The following PGM5 variants were observed in gnomAD, a reference collection of about 807,000 sequenced individuals.
The protein encoded by PGM5 is phosphoglucomutase-like protein 5.
A neutral mutation model predicts 59.2 loss-of-function variants in PGM5; 23 were observed. The observed-to-expected ratio is 0.39, with a 90% confidence interval of 0.28 to 0.55. The LOEUF (loss-of-function observed/expected upper bound fraction) is 0.55. Among genes scored for constraint, PGM5 ranks in the 20% least tolerant of loss-of-function variants. The pLI is 0.66. For missense variants in PGM5, 574 were observed against 748.3 expected (o/e 0.77, Z 2.72); for synonymous variants, 214 against 286.0 (o/e 0.75, Z 2.54).
chr9:68,471,425 G>A lies in PGM5; in HGVS notation c.1159+6217G>A, dbSNP rs150439590. Among the ~76,000 whole-genome samples, 190 of 152,244 alleles carry A rather than the reference G, an allele frequency of 1.2e-3. 1 individual carries two copies. The highest frequency in any genetic ancestry group is 4.5e-3 in the African/African-American group (185 of 41,558). ...GGCCCCACTGAGAACACAGTACAGT[G>A]ACTGTAGAAGTGACAGGTCTTCAAC... On this transcript the variant is annotated intron_variant, in intron 7 of 10. Transcript: ENST00000396396.
At chr9:68,420,924 G>A (rs1249872288) in intron 6 of PGM5, among the ~76,000 whole-genome samples, 1 of 152,202 alleles carries the variant, frequency 6.6e-6, no homozygotes, top group African/African-American at 2.4e-5. Flanking sequence ...TGTGCTTTGG[G>A]TCAGTGAAGT....
At chr9:68,466,036 C>T in intron 7 of PGM5, 1 of 662,316 alleles carries the variant, frequency 1.5e-6, no homozygotes, top group Non-Finnish European at 2.2e-6. Flanking sequence ...TTCTCCTTCC[C>T]CATTCTTTGT....
At chr9:68,365,570 G>A (rs1554676605) in intron 1 of PGM5, among the ~76,000 whole-genome samples, 1 of 152,160 alleles carries the variant, frequency 6.6e-6, no homozygotes, top group East Asian at 1.9e-4. Context: ...GTCCGTAGTT[G>A]TATGAAAAGA....
chr9:68,470,485 A>T (rs1384611860), intron 7 of PGM5, among the ~76,000 whole-genome samples: 1 of 152,262 alleles, frequency 6.6e-6, no homozygotes, highest in East Asian at 1.9e-4. Flanking sequence ...TGGGTTCACA[A>T]TAGTGCTGTT....
chr9:68,487,429 T>TAC (rs1824313262), intron 9 of PGM5, among the ~76,000 whole-genome samples: 1 of 119,050 alleles, frequency 8.4e-6, no homozygotes, highest in African/African-American at 3.9e-5. Flanking sequence ...GATACAACTA[T>TAC]TCTCTCTCTC....
intron 2 of PGM5, 74 bp from the exon 3 acceptor site, chr9:68,384,324 G>A: frequency 1.1e-6 from 1 of 929,076 alleles, no homozygotes; most frequent in South Asian, 1.5e-5. Flanking sequence ...CCTGGTGGAG[G>A]AGGATGGTAA....
intron 6 of PGM5, among the ~76,000 whole-genome samples, chr9:68,400,443 T>G (rs1306186358): frequency 6.6e-6 from 1 of 152,074 alleles, no homozygotes; most frequent in Non-Finnish European, 1.5e-5. Flanking sequence ...CCCACCTCAT[T>G]CCACTTTGTT....
intron 6 of PGM5, among the ~76,000 whole-genome samples, chr9:68,444,027 G>A (rs1280747561): frequency 6.6e-6 from 1 of 151,318 alleles, no homozygotes; most frequent in Non-Finnish European, 1.5e-5. Flanking sequence ...GAGATTGCAT[G>A]TGCTACTTAG....
intron 10 of PGM5, among the ~76,000 whole-genome samples, chr9:68,525,779 G>A (rs559862556): frequency 5.3e-5 from 8 of 152,252 alleles, no homozygotes; most frequent in Admixed American, 2.0e-4. Flanking sequence ...GGAGCTTGCC[G>A]GGCGTGGTGG....
intron 2 of PGM5, among the ~76,000 whole-genome samples, chr9:68,378,973 G>T (rs1472339026): frequency 6.6e-6 from 1 of 152,090 alleles, no homozygotes; most frequent in Non-Finnish European, 1.5e-5. Flanking sequence ...CCATTATCTT[G>T]TTTTTCTATT....
At chr9:68,466,209 T>G in intron 7 of PGM5, 1 of 1,293,404 alleles carries the variant, frequency 7.7e-7, no homozygotes, top group Non-Finnish European at 1.0e-6. Flanking sequence ...GATTCTTTCC[T>G]TAGCTGTGTC....
chr9:68,409,873 A>C lies in PGM5; in HGVS notation c.1043+17400A>C, dbSNP rs1341450250. On this transcript the variant is annotated intron_variant, in intron 6 of 10. Transcript: ENST00000396396. ...ATATGTACCCTAAAACTTAAAGTATAAAAAAAAAAAAAAAAGAACAAAGCA... is the reference window on the plus strand; with the variant it reads ...ATATGTACCCTAAAACTTAAAGTATCAAAAAAAAAAAAAAAGAACAAAGCA... Among the ~76,000 whole-genome samples the C allele has an allele frequency of 2.4e-4, 6 of 25,316 alleles. No individual in the cohort carries two copies. The East Asian group carries it at 0.02, about 84-fold the overall frequency. The allele number at this position is 25,316 out of a possible 152,430, so 16.6% of individuals were successfully genotyped here.
intron 1 of PGM5, among the ~76,000 whole-genome samples, chr9:68,370,831 A>ATC (rs1367798934): frequency 6.6e-6 from 1 of 152,188 alleles, no homozygotes; most frequent in Non-Finnish European, 1.5e-5. Context: ...AAGTAACGGC[A>ATC]TCATGGGAAA....
chr9:68,494,309 G>T (rs1824447489), intron 9 of PGM5, among the ~76,000 whole-genome samples: 1 of 152,160 alleles, frequency 6.6e-6, no homozygotes, highest in Admixed American at 6.5e-5. Context: ...GGATTCAGTG[G>T]CATGAAGTTG....
chr9:68,522,858 T>A (rs1824919752), intron 10 of PGM5, among the ~76,000 whole-genome samples: 2 of 152,136 alleles, frequency 1.3e-5, no homozygotes, highest in African/African-American at 4.8e-5. Context: ...ACCAACTCCT[T>A]TATTATTTCC....
chr9:68,481,318 T>C (rs1292654034), intron 8 of PGM5, among the ~76,000 whole-genome samples: 1 of 152,216 alleles, frequency 6.6e-6, no homozygotes, highest in Non-Finnish European at 1.5e-5. Flanking sequence ...GCTGGGGATG[T>C]GATAGCTTGC....
chr9:68,453,639 CCTT>C lies in PGM5; in HGVS notation c.1044-11453_1044-11451del, dbSNP rs1823731037. On this transcript the variant is annotated intron_variant, in intron 6 of 10. Transcript: ENST00000396396. ...GGGGTGAACATGCTGTAATCTCCCT[CCTT>C]ATCTCAAACTTTCAATCATCCCATG... Among the ~76,000 whole-genome samples, 4 of 152,222 alleles carry C rather than the reference CCTT, an allele frequency of 2.6e-5. No individual in the cohort carries two copies. The South Asian group carries it at 8.3e-4, about 31-fold the overall frequency.
rs559607750 is a variant in PGM5 at position 68,524,874 on chromosome 9, G to A, written c.1615-4693G>A. Reference sequence around the variant, plus strand: ...CCCAGCTCAGCCACCAAACAGATGTGTGACCGTGGGTCAATCCTGTGTCGC... The same window carrying A: ...CCCAGCTCAGCCACCAAACAGATGTATGACCGTGGGTCAATCCTGTGTCGC... On this transcript the variant is annotated intron_variant, in intron 10 of 10. Coordinates refer to ENST00000396396, the MANE Select transcript of PGM5 (RefSeq NM_021965.4). 1.1e-4 allele frequency among the ~76,000 whole-genome samples: 17 copies of A among 152,330 alleles called. No individual in the cohort carries two copies. In the East Asian group the frequency reaches 2.3e-3, roughly 21 times the overall value.
intron 6 of PGM5, among the ~76,000 whole-genome samples, chr9:68,406,698 A>G (rs545207406): frequency 8.5e-5 from 7 of 82,302 alleles, no homozygotes; most frequent in Admixed American, 3.5e-4. Context: ...ATATATATAT[A>G]TATATATATA....
Sources: allele counts gnomAD v4.1 joint callset (sites outside exome capture counted in the v4.1 genomes callset), GRCh38; gene constraint gnomAD v4.1.1; transcripts MANE v1.5; gene names NCBI Gene and HGNC (gene_info 2026-07-23, HGNC 2026-07-21).